PPP6R3: variants seen among roughly 807,000 people sequenced by gnomAD.
PPP6R3 encodes protein phosphatase 6 regulatory subunit 3.
In PPP6R3, 38 loss-of-function variants were observed where a neutral mutation model predicts 110.7. The observed-to-expected ratio is 0.34, with a 90% CI of 0.26 to 0.45. The LOEUF (loss-of-function observed/expected upper bound fraction) is 0.45. PPP6R3 is among the 20% of genes least tolerant of loss of function. The pLI, the probability that PPP6R3 is intolerant of heterozygous loss-of-function variation, is 1.00. For synonymous variants in PPP6R3, 369 were observed against 373.5 expected (o/e 0.99, Z 0.14); for missense variants, 870 against 1,062.4 (o/e 0.82, Z 2.52).
At chr11:68,548,277 C>T (rs2099357050) in intron 5 of PPP6R3, 73 bp downstream of exon 5, 1 of 1,567,672 alleles carries the variant, frequency 6.4e-7, no homozygotes, top group African/African-American at 1.4e-5. Context: ...CTGCTGTGTG[C>T]TGGGAAGGAA....
chr11:68,585,572 T>C (rs1342794534), intron 15 of PPP6R3, among the ~76,000 whole-genome samples: 1 of 152,264 alleles, frequency 6.6e-6, no homozygotes, highest in Admixed American at 6.5e-5. Context: ...ACTTTTTATA[T>C]ACCTTTAAAT....
At chr11:68,611,812 C>T (rs1001376568) in intron 23 of PPP6R3, among the ~76,000 whole-genome samples, 11 of 152,308 alleles carry the variant, frequency 7.2e-5, no homozygotes, top group Middle Eastern at 3.4e-3. Context: ...TCTAAAGTGA[C>T]GTATGACAGC....
At chr11:68,539,406 G>T (rs778764503) in intron 3 of PPP6R3, among the ~76,000 whole-genome samples, 1 of 152,236 alleles carries the variant, frequency 6.6e-6, no homozygotes, top group Non-Finnish European at 1.5e-5. Flanking sequence ...CGTTATAACA[G>T]TGTGGCACTT....
At chr11:68,587,670 A>C (rs1277715986) in intron 15 of PPP6R3, 2 of 529,236 alleles carry the variant, frequency 3.8e-6, no homozygotes, top group Non-Finnish European at 6.8e-6. Flanking sequence ...GATAATTCAC[A>C]ATAGAGGACA....
chr11:68,604,282 T>C (rs1366779996), intron 22 of PPP6R3, among the ~76,000 whole-genome samples: 3 of 152,242 alleles, frequency 2.0e-5, no homozygotes, highest in Non-Finnish European at 4.4e-5. Flanking sequence ...AGTGACACAA[T>C]GTAAACACCA....
chr11:68,575,966 G>C lies in PPP6R3; in HGVS notation c.1468G>C (p.Asp490His). ...CTTTTCTCACTCTGAAGATCTTCCC[G>C]ACGAAGTCAGGGAACGATGGGAGAC... ...LVQQLIKDLPDEVRERWETFC... is the reference protein window; with the variant it reads ...LVQQLIKDLPHEVRERWETFC... Residue 490 changes from aspartate to histidine, a missense_variant, in exon 14 of 24, where the codon GAC becomes CAC. Physicochemically the swap from Asp to His is moderately conservative, Grantham distance 81. Coordinates refer to ENST00000393800, the MANE Select transcript of PPP6R3 (RefSeq NM_001164161.2). 1.2e-6 allele frequency: 2 copies of C among 1,609,520 alleles called. No individual in the cohort carries two copies. Among genetic ancestry groups the C allele is most frequent in the Non-Finnish European group, 1.7e-6 (2 of 1,176,754 alleles).
At chr11:68,481,565 G>A (rs947231768) in intron 1 of PPP6R3, among the ~76,000 whole-genome samples, 2 of 152,228 alleles carry the variant, frequency 1.3e-5, no homozygotes, top group Non-Finnish European at 2.9e-5. Flanking sequence ...TAGAGAGAGC[G>A]AGCTGGTTTA....
Position 68,610,031 on chromosome 11 carries a change from C to T in PPP6R3, c.2570+8C>T, listed in dbSNP as rs1942577573. The stretch of plus-strand genomic sequence containing the variant: ...CAGCAGTCCCGAGCAGAGGTAACCA[C>T]CCGCCTCCTCAAACCCACCCAGGCC... On this transcript the variant is annotated splice_region_variant and intron_variant, in intron 23 of 23. Coordinates refer to ENST00000393800, the MANE Select transcript of PPP6R3 (RefSeq NM_001164161.2). The T allele has an allele frequency of 5.0e-6, 8 of 1,612,754 alleles. No homozygotes were observed. In the East Asian group the frequency reaches 1.6e-4, roughly 31 times the overall value.
At chr11:68,602,621 G>GT (rs2099635291) in intron 21 of PPP6R3, among the ~76,000 whole-genome samples, 1 of 152,084 alleles carries the variant, frequency 6.6e-6, no homozygotes, top group Non-Finnish European at 1.5e-5. Context: ...TTGGTAGAGG[G>GT]TGTGAGAACC....
At chr11:68,557,441 G>A (rs1379226966) in intron 7 of PPP6R3, among the ~76,000 whole-genome samples, 3 of 152,184 alleles carry the variant, frequency 2.0e-5, no homozygotes, top group Non-Finnish European at 4.4e-5. Flanking sequence ...GAGGTGTCAG[G>A]TGAGCAACCA....
At chr11:68,563,768 TAC>T (rs1398070961) in intron 8 of PPP6R3, among the ~76,000 whole-genome samples, 1 of 152,250 alleles carries the variant, frequency 6.6e-6, no homozygotes, top group Non-Finnish European at 1.5e-5. Context: ...CTTGAGTATT[TAC>T]CCAGTTCTCA....
intron 17 of PPP6R3, among the ~76,000 whole-genome samples, chr11:68,591,015 T>C (rs1437760787): frequency 1.3e-5 from 2 of 152,158 alleles, no homozygotes; most frequent in African/African-American, 4.8e-5. Flanking sequence ...GACTCCTTTG[T>C]ATTGCCAGGA....
intron 3 of PPP6R3, among the ~76,000 whole-genome samples, chr11:68,542,140 C>A (rs529213172): frequency 5.9e-4 from 65 of 110,922 alleles, no homozygotes; most frequent in Non-Finnish European, 9.1e-4. Context: ...ATGCATTGTG[C>A]TGGAGTGGGC....
At chr11:68,481,168 G>A (rs757946663) in intron 1 of PPP6R3, among the ~76,000 whole-genome samples, 3 of 152,114 alleles carry the variant, frequency 2.0e-5, no homozygotes, top group Non-Finnish European at 2.9e-5. Flanking sequence ...AATATTAAAA[G>A]CCTTACTTTG....
intron 3 of PPP6R3, among the ~76,000 whole-genome samples, chr11:68,542,586 GT>G (rs2099325702): frequency 1.3e-5 from 2 of 151,962 alleles, no homozygotes; most frequent in African/African-American, 4.8e-5. Context: ...TAGAGATGGG[GT>G]TTTGCCACAT....
chr11:68,564,104 G>C (rs757029831), intron 8 of PPP6R3, among the ~76,000 whole-genome samples, 199 bp from the exon 9 acceptor site: 2 of 152,192 alleles, frequency 1.3e-5, no homozygotes, highest in South Asian at 4.1e-4. Context: ...TACTGTAGCT[G>C]TTTGGGTTGC....
intron 23 of PPP6R3, among the ~76,000 whole-genome samples, chr11:68,612,108 G>C (rs1318699911): frequency 1.3e-5 from 2 of 152,186 alleles, no homozygotes; most frequent in Admixed American, 6.5e-5. Flanking sequence ...AGAACTGAGA[G>C]GGGCTAAGAA....
intron 6 of PPP6R3, among the ~76,000 whole-genome samples, chr11:68,551,559 A>C (rs1306947206): frequency 6.6e-6 from 1 of 151,952 alleles, no homozygotes; most frequent in Non-Finnish European, 1.5e-5. Context: ...GCGCGATCTT[A>C]GCTCACTGCA....
chr11:68,553,292 A>C (rs1054117712), intron 6 of PPP6R3, among the ~76,000 whole-genome samples: 5 of 140,822 alleles, frequency 3.6e-5, no homozygotes, highest in African/African-American at 1.3e-4. Context: ...ATTTGCTTTT[A>C]CTTTTTTTTT....
Sources: gnomAD v4.1 joint callset for allele counts (sites outside exome capture counted in the v4.1 genomes callset) on GRCh38, gnomAD v4.1.1 for gene constraint, MANE v1.5 for transcripts, NCBI Gene and HGNC (gene_info 2026-07-23, HGNC 2026-07-21) for gene names.